The following PLEKHG4B variants were observed in gnomAD, a reference collection of about 807,000 sequenced individuals.
The protein encoded by PLEKHG4B is pleckstrin homology and RhoGEF domain containing G4B, also known as pleckstrin homology domain-containing family G member 4B.
PLEKHG4B carries 111 observed loss-of-function variants against 121.3 expected under a neutral mutation model. The observed-to-expected ratio is 0.92, with a 90% CI of 0.78 to 1.07. PLEKHG4B has a LOEUF of 1.07. Ranked by LOEUF, PLEKHG4B falls within the 50% of genes least tolerant of loss-of-function variation. The pLI is 0.00. For synonymous variants in PLEKHG4B, 738 were observed against 725.0 expected (o/e 1.02, Z -0.29); for missense variants, 1,831 against 1,757.8 (o/e 1.04, Z -0.74).
rs59463509 is a variant in PLEKHG4B at position 181,105 on chromosome 5, T to C, written c.4403-409T>C. On this transcript the variant is annotated intron_variant, in intron 18 of 19. Transcript: ENST00000637938. ...CAAACTCTCACCTTATGCTTAGCTCTCCTCTCAATATTCAAACTCCTAGAA... is the reference window on the plus strand; with the variant it reads ...CAAACTCTCACCTTATGCTTAGCTCCCCTCTCAATATTCAAACTCCTAGAA... 9.0e-3 allele frequency among the ~76,000 whole-genome samples: 1,369 copies of C among 152,294 alleles called. 25 individuals carry two copies. Among genetic ancestry groups the C allele is most frequent in the African/African-American group, 0.031 (1,304 of 41,552 alleles).
Position 159,224 on chromosome 5 carries a change from G to A in PLEKHG4B, c.2487+2313G>A, listed in dbSNP as rs577649712. 2.4e-4 allele frequency among the ~76,000 whole-genome samples: 29 copies of A among 122,712 alleles called. No homozygotes were observed. The highest frequency in any genetic ancestry group is 5.4e-4 in the African/African-American group (14 of 26,100). The allele number at this position is 122,712 out of a possible 152,430, so 80.5% of individuals were successfully genotyped here. On this transcript the variant is annotated intron_variant, in intron 11 of 19. Coordinates refer to ENST00000637938, the MANE Select transcript of PLEKHG4B (RefSeq NM_052909.5). The surrounding 1 kb of genome is among the most constrained non-coding windows in gnomAD (Gnocchi z 5.5). The stretch of plus-strand genomic sequence containing the variant: ...GGTGGCCCAGGTGTGCCTGAGGGTC[G>A]CCCAGGTGCACTGAGGGCAGGTGTG...
In PLEKHG4B at chr5:187,608, G is replaced by C. The variant is rs1206154964; in HGVS notation, c.*5285G>C. 1 of 152,186 alleles carries C rather than the reference G, an allele frequency of 6.6e-6. No individual in the cohort carries two copies. The highest frequency in any genetic ancestry group is 1.5e-5 in the Non-Finnish European group (1 of 68,064). The allele number at this position is 152,186 out of a possible 1,614,324, so 9.4% of individuals were successfully genotyped here. ...ACAGGCAAAATGCTCCTTACATAAG[G>C]AAAGACCTTTCCTTGGCTGACCCTA... On this transcript the variant is annotated 3_prime_UTR_variant, in exon 20 of 20. Transcript: ENST00000637938.
At chr5:143,588 G>A (rs1735306501) in intron 5 of PLEKHG4B, 85 bp downstream of exon 5, 3 of 1,539,392 alleles carry the variant, frequency 1.9e-6, no homozygotes, top group Admixed American at 1.7e-5. Flanking sequence ...ACGGGGAGGT[G>A]CCAGCTTCCA....
Position 158,044 on chromosome 5 carries a change from G to A in PLEKHG4B, c.2487+1133G>A, listed in dbSNP as rs187410734. Among the ~76,000 whole-genome samples, 1,180 of 152,280 alleles carry A rather than the reference G, an allele frequency of 7.7e-3. 10 individuals carry two copies. Among genetic ancestry groups the A allele is most frequent in the Middle Eastern group, 0.027 (8 of 294 alleles). On this transcript the variant is annotated intron_variant, in intron 11 of 19. Transcript: ENST00000637938. ...GGGGCCCAGCTGGTCCAATCCCTGG[G>A]GCAGGAACAGGAACCCCACACCAGG...
At chr5:95,778 G>T (rs1338127788) in intron 1 of PLEKHG4B, among the ~76,000 whole-genome samples, 3 of 152,096 alleles carry the variant, frequency 2.0e-5, no homozygotes, top group African/African-American at 7.2e-5. Flanking sequence ...CAATGGAGGG[G>T]ACTACCAACC....
intron 1 of PLEKHG4B, among the ~76,000 whole-genome samples, chr5:105,875 T>TG (rs952869316): frequency 2.0e-5 from 3 of 152,228 alleles, no homozygotes; most frequent in Non-Finnish European, 2.9e-5. Context: ...CTGTAGAAGC[T>TG]GGGGGGGCCC....
chr5:164,718 GCTCACAC>G (rs1736214075), intron 13 of PLEKHG4B, among the ~76,000 whole-genome samples: 5 of 125,506 alleles, frequency 4.0e-5, no homozygotes, highest in African/African-American at 1.2e-4. Context: ...ACGGGGCGGA[GCTCACAC>G]TAATACTCTG....
In PLEKHG4B at chr5:140,521, G is replaced by A. The variant is rs12523402; in HGVS notation, c.1282G>A (p.Ala428Thr). The change falls in exon 3 of 20, where the codon GCT becomes ACT. Residue 428 changes from alanine (A) to threonine (T), a missense_variant. Coordinates refer to ENST00000637938, the MANE Select transcript of PLEKHG4B (RefSeq NM_052909.5). ...CACACCCAGCCGGACAGGTCCAGGAGCTGCAGGGCGGACTCTTCCCAGGAG... is the reference window on the plus strand; with the variant it reads ...CACACCCAGCCGGACAGGTCCAGGAACTGCAGGGCGGACTCTTCCCAGGAG... ...RHTPSRTGPG[A>T]AGRTLPRRSR... is the part of the protein sequence containing the mutation. 0.077 allele frequency: 122,874 copies of A among 1,597,058 alleles called. 5,428 individuals are homozygous for A. Among genetic ancestry groups the A allele is most frequent in the Non-Finnish European group, 0.087 (101,484 of 1,172,190 alleles).
chr5:151,350 G>A (rs1307033129), intron 6 of PLEKHG4B, among the ~76,000 whole-genome samples, 163 bp from the exon 7 acceptor site: 1 of 152,068 alleles, frequency 6.6e-6, no homozygotes, highest in Non-Finnish European at 1.5e-5. Flanking sequence ...AATTCATAAG[G>A]GCAAATAATT....
intron 2 of PLEKHG4B, among the ~76,000 whole-genome samples, chr5:126,752 C>T (rs969074996): frequency 1.1e-4 from 16 of 151,984 alleles, no homozygotes; most frequent in Admixed American, 6.6e-4. Context: ...AGGACATGGA[C>T]GCACATGAGG....
At chr5:176,748 C>T (rs1369054563) in intron 18 of PLEKHG4B, among the ~76,000 whole-genome samples, 1 of 152,234 alleles carries the variant, frequency 6.6e-6, no homozygotes, top group Non-Finnish European at 1.5e-5. Flanking sequence ...GGGTTCCTCT[C>T]AGGGTTCAGA....
chr5:142,956 G>T, intron 3 of PLEKHG4B, 91 bp from the exon 4 acceptor site: 1 of 1,249,994 alleles, frequency 8.0e-7, no homozygotes, highest in South Asian at 1.4e-5. Context: ...GCGTGTTTTT[G>T]TCCCATGGTT....
In PLEKHG4B at chr5:171,140, C is replaced by T. The variant is rs757011899; in HGVS notation, c.3819+8C>T. 6.2e-7 allele frequency: 1 copy of T among 1,611,700 alleles called. No individual in the cohort carries two copies. Among genetic ancestry groups the T allele is most frequent in the South Asian group, 1.1e-5 (1 of 90,810 alleles). On this transcript the variant is annotated splice_region_variant and intron_variant, in intron 15 of 19. Transcript: ENST00000637938. ...GGCAACGCCTTCTTCAAGGTCATCC[C>T]CCTCGGCCCGCCCCCCACAGCCTGC...
chr5:98,905 C>T (rs1733712050), intron 1 of PLEKHG4B, among the ~76,000 whole-genome samples: 1 of 125,424 alleles, frequency 8.0e-6, no homozygotes, highest in Non-Finnish European at 1.6e-5. Context: ...GCTTGTAATC[C>T]CAGCACTTTG....
Position 155,351 on chromosome 5 carries a change from G to C in PLEKHG4B, c.2116G>C (p.Glu706Gln), listed in dbSNP as rs765323575. 6.2e-7 allele frequency: 1 copy of C among 1,613,972 alleles called. No individual in the cohort carries two copies. The highest frequency in any genetic ancestry group is 8.5e-7 in the Non-Finnish European group (1 of 1,179,894). The change falls in exon 9 of 20, where the codon GAA (glutamate) becomes CAA (glutamine). Residue 706 changes from glutamate (E) to glutamine (Q), a missense_variant. By Grantham distance (29) the Glu-to-Gln change is conservative (BLOSUM62 2). Coordinates refer to ENST00000637938, the MANE Select transcript of PLEKHG4B (RefSeq NM_052909.5). ...GDWICFRQRLEHFAANCEEAI... is the reference protein window; with the variant it reads ...GDWICFRQRLQHFAANCEEAI... ...CCCTCTCAACTCACAACAGAGGCTG[G>C]AACACTTCGCTGCAAACTGTGAAGA...
chr5:180,096 T>C (rs1389604379), intron 18 of PLEKHG4B, among the ~76,000 whole-genome samples: 1 of 152,204 alleles, frequency 6.6e-6, no homozygotes, highest in Non-Finnish European at 1.5e-5. Context: ...TTTTGTCCTT[T>C]CTCTGGGTGT....
At chr5:154,766 T>A (rs1735715966) in intron 7 of PLEKHG4B, 109 bp from the exon 8 acceptor site, 4 of 810,570 alleles carry the variant, frequency 4.9e-6, no homozygotes, top group Non-Finnish European at 6.3e-6. Context: ...GGGGCGATAC[T>A]CCTTGAGCCA....
At chr5:103,775 G>T (rs1435862612) in intron 1 of PLEKHG4B, among the ~76,000 whole-genome samples, 1 of 152,142 alleles carries the variant, frequency 6.6e-6, no homozygotes, top group East Asian at 1.9e-4. Flanking sequence ...ATTATTAACT[G>T]TAATTTGCCT....
chr5:162,988 G>A lies in PLEKHG4B; in HGVS notation c.2916G>A (p.Gln972=), dbSNP rs1483161478. 7 of 1,567,780 alleles carry A rather than the reference G, an allele frequency of 4.5e-6. No homozygotes were observed. Among genetic ancestry groups the A allele is most frequent in the Non-Finnish European group, 6.1e-6 (7 of 1,156,450 alleles). The part of the protein sequence containing the change: ...APDPSLPPLA[Q]SPPKHERAQE... ...ACCCCAGCTTACCGCCCCTTGCCCA[G>A]AGCCCCCCAAAGCATGAGCGTGCCC... The change falls in exon 13 of 20, where the codon CAG becomes CAA. Residue 972 remains glutamine, a synonymous_variant. Transcript: ENST00000637938.
Sources: gnomAD v4.1 joint callset for allele counts (sites outside exome capture counted in the v4.1 genomes callset) on GRCh38, gnomAD v4.1.1 for gene constraint, Gnocchi (gnomAD v3.1) non-coding constraint, MANE v1.5 for transcripts, NCBI Gene and HGNC (gene_info 2026-07-23, HGNC 2026-07-21) for gene names.